Variants in AFF3 observed in about 807,000 individuals in gnomAD.
AFF3 encodes AF4/FMR2 family member 3.
In AFF3, 32 loss-of-function variants were observed where a neutral mutation model predicts 129.7. The ratio of observed to expected loss-of-function variants is 0.25; its 90% CI spans 0.19 to 0.33. The LOEUF (loss-of-function observed/expected upper bound fraction) is 0.33. Among genes scored for constraint, AFF3 ranks in the 10% least tolerant of loss-of-function variants. The pLI, the probability that AFF3 is intolerant of heterozygous loss-of-function variation, is 1.00. For missense variants in AFF3, 1,373 were observed against 1,592.0 expected, an observed-to-expected ratio of 0.86 and a Z score of 2.34; for synonymous variants, 644 against 635.4, an observed-to-expected ratio of 1.01 and a Z score of -0.20.
At chr2:100,139,274 G>A (rs530175633) in intron 1 of AFF3, among the ~76,000 whole-genome samples, 5 of 152,272 alleles carry the variant, frequency 3.3e-5, no homozygotes, top group South Asian at 2.1e-4. Context: ...CTGCCACAAA[G>A]CATTTTACTA....
chr2:99,771,573 T>TA (rs1231481817), intron 8 of AFF3, among the ~76,000 whole-genome samples: 3 of 152,108 alleles, frequency 2.0e-5, no homozygotes, highest in Non-Finnish European at 4.4e-5. Flanking sequence ...ACAAAAGCAT[T>TA]TTAAAGGTCA....
intron 2 of AFF3, among the ~76,000 whole-genome samples, chr2:100,115,068 A>G (rs770665234): frequency 6.6e-6 from 1 of 152,190 alleles, no homozygotes; most frequent in Non-Finnish European, 1.5e-5. Flanking sequence ...AGGAGGAGGA[A>G]ATGGTTGTAC....
chr2:100,005,435 G>A (rs570512466), intron 7 of AFF3, among the ~76,000 whole-genome samples: 66 of 152,244 alleles, frequency 4.3e-4, no homozygotes, highest in African/African-American at 1.6e-3. Context: ...AAGATATGCC[G>A]GAATTTATTT....
chr2:100,127,562 C>G (rs1465664502), intron 2 of AFF3, among the ~76,000 whole-genome samples: 5 of 152,194 alleles, frequency 3.3e-5, no homozygotes, highest in African/African-American at 1.2e-4. Context: ...GCTTCAACTG[C>G]TCTTCCATGC....
At chr2:99,628,795 G>A (rs538166096) in intron 13 of AFF3, among the ~76,000 whole-genome samples, 51 of 136,860 alleles carry the variant, frequency 3.7e-4, no homozygotes, top group Admixed American at 1.2e-3. Flanking sequence ...ATCTTGGCTC[G>A]CTGCAACCTC....
chr2:99,810,119 G>T (rs977130617), intron 8 of AFF3, among the ~76,000 whole-genome samples: 1 of 152,168 alleles, frequency 6.6e-6, no homozygotes, highest in Non-Finnish European at 1.5e-5. Flanking sequence ...TATGCTGATG[G>T]ACCAGTGATT....
At chr2:100,136,782 T>C (rs553426748) in intron 1 of AFF3, among the ~76,000 whole-genome samples, 52 of 152,324 alleles carry the variant, frequency 3.4e-4, no homozygotes, top group African/African-American at 1.2e-3. Flanking sequence ...CCCAAATGCA[T>C]TGGAATTTTA....
At chr2:99,930,743 A>T (rs147511548) in intron 7 of AFF3, among the ~76,000 whole-genome samples, 2 of 152,342 alleles carry the variant, frequency 1.3e-5, no homozygotes, top group African/African-American at 4.8e-5. Context: ...ATTTCTTTAA[A>T]GCATCAGCCA....
chr2:99,877,035 T>TA (rs753366420), intron 7 of AFF3, among the ~76,000 whole-genome samples: 2 of 152,178 alleles, frequency 1.3e-5, no homozygotes, highest in Non-Finnish European at 2.9e-5. Flanking sequence ...GGGTGGAGGC[T>TA]ACTAACGCTG....
At chr2:99,657,466 T>C (rs1476464277) in intron 12 of AFF3, among the ~76,000 whole-genome samples, 1 of 152,218 alleles carries the variant, frequency 6.6e-6, no homozygotes, top group African/African-American at 2.4e-5. Flanking sequence ...AGAACATTGA[T>C]GGCAGAGATC....
At chr2:99,809,409 C>A (rs903366663) in intron 8 of AFF3, among the ~76,000 whole-genome samples, 1 of 152,232 alleles carries the variant, frequency 6.6e-6, no homozygotes, top group African/African-American at 2.4e-5. Context: ...CAGGTTTGCA[C>A]CCTGCTGGGG....
intron 8 of AFF3, among the ~76,000 whole-genome samples, chr2:99,810,346 C>T (rs768727633): frequency 4.6e-5 from 7 of 152,236 alleles, no homozygotes; most frequent in Non-Finnish European, 8.8e-5. Context: ...AACCTCACCA[C>T]ACCTGTTCCC....
intron 4 of AFF3, among the ~76,000 whole-genome samples, chr2:100,025,663 A>G (rs568159194): frequency 5.9e-5 from 9 of 152,364 alleles, no homozygotes; most frequent in Admixed American, 5.9e-4. Context: ...ATAAGGCCGT[A>G]GTCACCAAAA....
intron 11 of AFF3, among the ~76,000 whole-genome samples, chr2:99,708,776 T>A (rs1294565679): frequency 6.6e-6 from 1 of 152,200 alleles, no homozygotes; most frequent in Non-Finnish European, 1.5e-5. Flanking sequence ...AAGATGAAGA[T>A]CTTAATTACA....
chr2:100,117,488 TTTA>T (rs1240565507), intron 2 of AFF3, among the ~76,000 whole-genome samples: 4 of 152,224 alleles, frequency 2.6e-5, no homozygotes, highest in African/African-American at 9.6e-5. Flanking sequence ...TTGGTTATTT[TTTA>T]TTGTTTCTAG....
At chr2:100,021,287 A>G (rs1301747228) in intron 4 of AFF3, among the ~76,000 whole-genome samples, 1 of 152,252 alleles carries the variant, frequency 6.6e-6, no homozygotes, top group Non-Finnish European at 1.5e-5. Flanking sequence ...AGCACATAGA[A>G]GAGTGCCTGG....
At chr2:99,938,257 C>T (rs1009397097) in intron 7 of AFF3, among the ~76,000 whole-genome samples, 3 of 152,282 alleles carry the variant, frequency 2.0e-5, no homozygotes, top group South Asian at 2.1e-4. Context: ...GACGGACATG[C>T]GCACAACCAA....
chr2:99,640,464 C>A (rs1422046703), intron 13 of AFF3, among the ~76,000 whole-genome samples: 1 of 152,136 alleles, frequency 6.6e-6, no homozygotes, highest in African/African-American at 2.4e-5. Context: ...TTAGTAGCAT[C>A]CTGCTTCTGC....
chr2:99,733,365 G>A (rs1679990092), intron 10 of AFF3, among the ~76,000 whole-genome samples: 1 of 129,512 alleles, frequency 7.7e-6, no homozygotes, highest in African/African-American at 2.8e-5. Flanking sequence ...GGGCGACAGA[G>A]CGAGACTCCG....
Sources: allele counts gnomAD v4.1 joint callset (sites outside exome capture counted in the v4.1 genomes callset), GRCh38; gene constraint gnomAD v4.1.1; transcripts MANE v1.5; gene names NCBI Gene and HGNC (gene_info 2026-07-23, HGNC 2026-07-21).